Variants in FLRT2 observed in about 807,000 individuals in gnomAD.
FLRT2 encodes the protein fibronectin leucine rich transmembrane protein 2, also known as leucine-rich repeat transmembrane protein FLRT2.
A neutral mutation model predicts 40.0 loss-of-function variants in FLRT2; 15 were observed. The observed-to-expected ratio is 0.38, with a 90% CI of 0.25 to 0.58. The LOEUF (loss-of-function observed/expected upper bound fraction) is 0.58. Among genes scored for constraint, FLRT2 ranks in the 20% least tolerant of loss-of-function variants. The pLI, the probability that FLRT2 is intolerant of heterozygous loss-of-function variation, is 0.71. For missense variants in FLRT2, 726 were observed against 840.0 expected, an observed-to-expected ratio of 0.86 and a Z score of 1.68; for synonymous variants, 380 against 336.8, an observed-to-expected ratio of 1.13 and a Z score of -1.41.
chr14:85,587,410 C>G (rs143903653), intron 1 of FLRT2, among the ~76,000 whole-genome samples: 2,611 of 152,024 alleles, frequency 0.017, 76 homozygotes, highest in African/African-American at 0.06. Flanking sequence ...TTCAGCTGTC[C>G]GAGATTTTCC....
At chr14:85,532,401 A>C (rs888860428) in intron 1 of FLRT2, among the ~76,000 whole-genome samples, 1 of 152,130 alleles carries the variant, frequency 6.6e-6, no homozygotes, top group Admixed American at 6.5e-5. Flanking sequence ...AACCAAAAAC[A>C]TCTCCTCCTT....
In FLRT2 at chr14:85,643,543, C is replaced by T. The variant is rs1894219371; in HGVS notation, c.*20046C>T. On this transcript the variant is annotated 3_prime_UTR_variant, in exon 2 of 2. Transcript: ENST00000330753. ...GAGTAGCTGGGACTACAGGCGTGCA[C>T]CACCACACCTGACTAATTTTTGTGT... The T allele has an allele frequency of 6.6e-6, 1 of 151,972 alleles. No individual in the cohort carries two copies. Among genetic ancestry groups the T allele is most frequent in the Non-Finnish European group, 1.5e-5 (1 of 68,146 alleles). 9.4% of individuals were successfully genotyped at this position (151,972 alleles called of 1,614,324 possible). A position where few individuals can be genotyped will look rare whatever the true frequency, so the allele number is the denominator to read the frequency against.
At chr14:85,560,622 GA>G (rs1040694890) in intron 1 of FLRT2, among the ~76,000 whole-genome samples, 1 of 148,864 alleles carries the variant, frequency 6.7e-6, no homozygotes, top group African/African-American at 2.5e-5. Context: ...AAAAAATAAA[GA>G]AAAAAAAGAA....
rs1196000062 is a variant in FLRT2, at chr14:85,627,888, T to C, written c.*4391T>C. On this transcript the variant is annotated 3_prime_UTR_variant, in exon 2 of 2. Coordinates refer to ENST00000330753, the MANE Select transcript of FLRT2 (RefSeq NM_013231.6). ...TCACTCTACACTATACAGTACCTTGTTGATATATTCAGTAAAGTCTTATTT... is the reference window on the plus strand; with the variant it reads ...TCACTCTACACTATACAGTACCTTGCTGATATATTCAGTAAAGTCTTATTT... 1 of 167,100 alleles carries C rather than the reference T, an allele frequency of 6.0e-6. No individual in the cohort carries two copies. The highest frequency in any genetic ancestry group is 1.5e-5 in the Non-Finnish European group (1 of 68,114). The allele number at this position is 167,100 out of a possible 1,614,324, so 10.4% of individuals were successfully genotyped here.
At position 85,643,345 on chromosome 14, in the gene FLRT2, T is replaced by TCC. The variant is rs879269078; in HGVS notation, c.*19848_*19849insCC. The stretch of plus-strand genomic sequence containing the variant: ...TTTCTTTCTTTCTTTCTTTCTTTCT[T>TCC]TCTTTCTTTCTTCCTTCCTTCCTTC... On this transcript the variant is annotated 3_prime_UTR_variant, in exon 2 of 2. Coordinates refer to ENST00000330753, the MANE Select transcript of FLRT2 (RefSeq NM_013231.6). The TCC allele has an allele frequency of 0.021, 1,944 of 90,930 alleles. 33 individuals are homozygous for TCC. The highest frequency in any genetic ancestry group is 0.032 in the African/African-American group (803 of 25,024). 5.6% of individuals were successfully genotyped at this position (90,930 alleles called of 1,614,324 possible).
chr14:85,650,352 T>C lies in FLRT2; in HGVS notation c.*26855T>C, dbSNP rs1452390080. 2 of 151,910 alleles carry C rather than the reference T, an allele frequency of 1.3e-5. No individual in the cohort carries two copies. Among genetic ancestry groups the C allele is most frequent in the Non-Finnish European group, 2.9e-5 (2 of 67,942 alleles). 9.4% of individuals were successfully genotyped at this position (151,910 alleles called of 1,614,324 possible). A position where few individuals can be genotyped will look rare whatever the true frequency, so the allele number is the denominator to read the frequency against. On this transcript the variant is annotated 3_prime_UTR_variant, in exon 2 of 2. Coordinates refer to ENST00000330753, the MANE Select transcript of FLRT2 (RefSeq NM_013231.6). The stretch of plus-strand genomic sequence containing the variant: ...ATATATTTAAAATATATAGGTATTT[T>C]AATTTTACTGTATTATATTGTTGAA...
chr14:85,589,646 G>A (rs1293235507), intron 1 of FLRT2, among the ~76,000 whole-genome samples: 1 of 152,090 alleles, frequency 6.6e-6, no homozygotes, highest in Non-Finnish European at 1.5e-5. Context: ...TGCTTTGGCT[G>A]CCTGTGCTTG....
At chr14:85,596,649 T>C (rs1243806070) in intron 1 of FLRT2, among the ~76,000 whole-genome samples, 1 of 152,212 alleles carries the variant, frequency 6.6e-6, no homozygotes, top group African/African-American at 2.4e-5. Context: ...CTAAAGACTT[T>C]TTTAAAAAAA....
intron 1 of FLRT2, among the ~76,000 whole-genome samples, chr14:85,611,791 T>C (rs1892872945): frequency 6.6e-6 from 1 of 152,194 alleles, no homozygotes; most frequent in South Asian, 2.1e-4. Flanking sequence ...TGAATGTTAT[T>C]TTTATTGACC....
intron 1 of FLRT2, among the ~76,000 whole-genome samples, chr14:85,594,644 C>G (rs981209545): frequency 6.6e-6 from 1 of 152,146 alleles, no homozygotes; most frequent in Non-Finnish European, 1.5e-5. Flanking sequence ...TTGAGAAACA[C>G]ATGTTTTGGT....
At chr14:85,542,929 G>T (rs887326223) in intron 1 of FLRT2, among the ~76,000 whole-genome samples, 3 of 152,176 alleles carry the variant, frequency 2.0e-5, no homozygotes, top group Non-Finnish European at 4.4e-5. Flanking sequence ...TGCTCACAGA[G>T]AAATCTGATA....
chr14:85,558,276 G>T (rs1238922417), intron 1 of FLRT2, among the ~76,000 whole-genome samples: 1 of 151,950 alleles, frequency 6.6e-6, no homozygotes, highest in Non-Finnish European at 1.5e-5. Flanking sequence ...TATATAGTCA[G>T]GCTTTTCAGG....
At chr14:85,614,028 G>A (rs531154048) in intron 1 of FLRT2, among the ~76,000 whole-genome samples, 3 of 152,240 alleles carry the variant, frequency 2.0e-5, no homozygotes, top group South Asian at 4.1e-4. Flanking sequence ...CTAATCTTAG[G>A]AATGACCAAC....
chr14:85,602,656 G>A (rs1018439147), intron 1 of FLRT2, among the ~76,000 whole-genome samples: 1 of 151,624 alleles, frequency 6.6e-6, no homozygotes, highest in Non-Finnish European at 1.5e-5. Context: ...TTTGCTTTAG[G>A]AACTGCACCT....
At chr14:85,535,921 TGTTGTTG>T (rs1407574465) in intron 1 of FLRT2, among the ~76,000 whole-genome samples, 1,010 of 62,580 alleles carry the variant, frequency 0.016, 10 homozygotes, top group African/African-American at 0.034. Context: ...TTTTTTTTTT[TGTTGTTG>T]TTGTTGTTGT....
In FLRT2 at chr14:85,628,391, C is replaced by T. The variant is rs540213567; in HGVS notation, c.*4894C>T. ...CTAGATGCAAGCAATCATCCCACCT[C>T]GATCACCCAAAGTGCTGGGAGTACA... is the stretch of plus-strand genomic sequence containing the variant. On this transcript the variant is annotated 3_prime_UTR_variant, in exon 2 of 2. Transcript: ENST00000330753. 3 of 152,202 alleles carry T rather than the reference C, an allele frequency of 2.0e-5. No individual in the cohort carries two copies. Among genetic ancestry groups the T allele is most frequent in the South Asian group, 4.2e-4 (2 of 4,818 alleles). The allele number at this position is 152,202 out of a possible 1,614,324, so 9.4% of individuals were successfully genotyped here.
intron 1 of FLRT2, among the ~76,000 whole-genome samples, chr14:85,553,360 T>C (rs1175445319): frequency 6.6e-6 from 1 of 152,164 alleles, no homozygotes; most frequent in Non-Finnish European, 1.5e-5. Flanking sequence ...GAGGCTATGC[T>C]GCTGGGACCA....
At position 85,649,247 on chromosome 14, in the gene FLRT2, TA is replaced by T. The variant is rs1046803141; in HGVS notation, c.*25751del. 2.7e-5 allele frequency: 4 copies of T among 150,566 alleles called. No individual in the cohort carries two copies. The highest frequency in any genetic ancestry group is 4.4e-5 in the Non-Finnish European group (3 of 67,594). 9.3% of individuals were successfully genotyped at this position (150,566 alleles called of 1,614,324 possible). A position where few individuals can be genotyped will look rare whatever the true frequency, so the allele number is the denominator to read the frequency against. ...ATGTATTTATTCCGGTTAACAATTT[TA>T]CTTGAGTAGAAATCACTTGACTCAA... On this transcript the variant is annotated 3_prime_UTR_variant, in exon 2 of 2. Coordinates refer to ENST00000330753, the MANE Select transcript of FLRT2 (RefSeq NM_013231.6).
Position 85,623,532 on chromosome 14 carries a change from T to A in FLRT2, c.*35T>A. ...GCCCAGCGTTATCAAGGCGGACAAT[T>A]AGACTCTTGAGAACACACTCGTGTG... On this transcript the variant is annotated 3_prime_UTR_variant, in exon 2 of 2. Transcript: ENST00000330753. 1 of 1,404,788 alleles carries A rather than the reference T, an allele frequency of 7.1e-7. No homozygotes were observed. The highest frequency in any genetic ancestry group is 9.3e-7 in the Non-Finnish European group (1 of 1,074,680). 87.0% of individuals were successfully genotyped at this position (1,404,788 alleles called of 1,614,324 possible).
Sources: gnomAD v4.1 joint callset for allele counts (sites outside exome capture counted in the v4.1 genomes callset) on GRCh38, gnomAD v4.1.1 for gene constraint, MANE v1.5 for transcripts, NCBI Gene and HGNC (gene_info 2026-07-23, HGNC 2026-07-21) for gene names.